Variants in SEMA3E observed in about 807,000 individuals in gnomAD.
The protein encoded by SEMA3E is semaphorin-3E.
Under a neutral mutation model 93.6 loss-of-function variants are expected in SEMA3E, and 49 were observed. The observed-to-expected ratio is 0.52, with a 90% CI of 0.42 to 0.66. SEMA3E has a LOEUF of 0.66. Ranked by LOEUF, SEMA3E falls within the 30% of genes least tolerant of loss-of-function variation. SEMA3E has a pLI of 0.00. For synonymous variants in SEMA3E, 363 were observed against 330.7 expected, an observed-to-expected ratio of 1.10 and a Z score of -1.06; for missense variants, 906 against 964.8, an observed-to-expected ratio of 0.94 and a Z score of 0.81.
intron 4 of SEMA3E, among the ~76,000 whole-genome samples, chr7:83,432,676 T>C (rs1562780184): frequency 6.6e-6 from 1 of 152,126 alleles, no homozygotes; most frequent in Non-Finnish European, 1.5e-5. Context: ...TTTCAGAGCA[T>C]TAATTAGTGC....
chr7:83,575,279 G>A (rs954144538), intron 1 of SEMA3E, among the ~76,000 whole-genome samples: 40 of 151,408 alleles, frequency 2.6e-4, no homozygotes, highest in East Asian at 1.9e-4. Flanking sequence ...TCTTTAGATA[G>A]AAATAGATCA....
At chr7:83,562,574 G>C (rs1266430020) in intron 1 of SEMA3E, among the ~76,000 whole-genome samples, 1 of 151,550 alleles carries the variant, frequency 6.6e-6, no homozygotes, top group Non-Finnish European at 1.5e-5. Context: ...TCCTCCCCTA[G>C]CTATTCCCTG....
chr7:83,504,674 G>T (rs1790658682), intron 1 of SEMA3E, among the ~76,000 whole-genome samples: 1 of 151,942 alleles, frequency 6.6e-6, no homozygotes, highest in Non-Finnish European at 1.5e-5. Context: ...TCCTTTTCTG[G>T]CAATTATCAG....
chr7:83,454,272 A>AAAAATATATAT (rs1257792756), intron 4 of SEMA3E, among the ~76,000 whole-genome samples: 4 of 110,112 alleles, frequency 3.6e-5, no homozygotes, highest in African/African-American at 1.7e-4. Flanking sequence ...AAAAAAAAAA[A>AAAAATATATAT]ATATATATAT....
intron 2 of SEMA3E, among the ~76,000 whole-genome samples, chr7:83,484,996 G>T (rs1215332413): frequency 6.6e-6 from 1 of 152,110 alleles, no homozygotes; most frequent in Non-Finnish European, 1.5e-5. Flanking sequence ...GATGGAAGTG[G>T]AACTCTGTAT....
At chr7:83,500,790 C>T (rs1317776926) in intron 1 of SEMA3E, among the ~76,000 whole-genome samples, 1 of 151,834 alleles carries the variant, frequency 6.6e-6, no homozygotes, top group African/African-American at 2.4e-5. Context: ...GGGGTTTCAC[C>T]ATGTTGGTCA....
At chr7:83,542,072 A>G (rs1025601847) in intron 1 of SEMA3E, among the ~76,000 whole-genome samples, 2 of 151,974 alleles carry the variant, frequency 1.3e-5, no homozygotes, top group African/African-American at 4.8e-5. Flanking sequence ...GCCAGACGCT[A>G]TGGCTGACTC....
intron 1 of SEMA3E, among the ~76,000 whole-genome samples, chr7:83,579,150 A>T (rs1402703251): frequency 6.6e-6 from 1 of 152,148 alleles, no homozygotes; most frequent in East Asian, 1.9e-4. Flanking sequence ...AGGTTTCAAA[A>T]ATGACACATT....
At chr7:83,538,054 T>C (rs1455562197) in intron 1 of SEMA3E, among the ~76,000 whole-genome samples, 1 of 152,200 alleles carries the variant, frequency 6.6e-6, no homozygotes, top group Non-Finnish European at 1.5e-5. Flanking sequence ...TATCAGCATG[T>C]ACTCATTTCA....
intron 4 of SEMA3E, among the ~76,000 whole-genome samples, chr7:83,432,926 C>T (rs940111212): frequency 7.9e-5 from 12 of 152,138 alleles, no homozygotes; most frequent in Admixed American, 2.6e-4. Flanking sequence ...TTTTTCAAAT[C>T]ACCCAAGAAA....
chr7:83,365,924 A>G lies in SEMA3E; in HGVS notation c.*1662T>C, dbSNP rs1794660063. On this transcript the variant is annotated 3_prime_UTR_variant, in exon 17 of 17. Coordinates refer to ENST00000643230, the MANE Select transcript of SEMA3E (RefSeq NM_012431.3). ...ATTTCACTACATAGTCTTTTCAGTT[A>G]TTATTTAATGGCAGTAATGACCTCC... The G allele has an allele frequency of 6.6e-6, 1 of 152,120 alleles. No individual in the cohort carries two copies. 9.4% of individuals were successfully genotyped at this position (152,120 alleles called of 1,614,324 possible). A position where few individuals can be genotyped will look rare whatever the true frequency, so the allele number is the denominator to read the frequency against.
intron 1 of SEMA3E, among the ~76,000 whole-genome samples, chr7:83,635,511 A>G (rs1236535327): frequency 6.6e-6 from 1 of 151,792 alleles, no homozygotes; most frequent in African/African-American, 2.4e-5. Flanking sequence ...TATGCCCATT[A>G]GTTTACAGTT....
At chr7:83,611,314 T>TA (rs1219541276) in intron 1 of SEMA3E, among the ~76,000 whole-genome samples, 5 of 144,404 alleles carry the variant, frequency 3.5e-5, no homozygotes, top group East Asian at 3.9e-4. Context: ...TATATAAATT[T>TA]ATGTATAATA....
At chr7:83,604,999 T>C (rs1380053580) in intron 1 of SEMA3E, among the ~76,000 whole-genome samples, 1 of 152,220 alleles carries the variant, frequency 6.6e-6, no homozygotes, top group African/African-American at 2.4e-5. Context: ...CCATGGTGTA[T>C]ATGTATCTCA....
intron 1 of SEMA3E, among the ~76,000 whole-genome samples, chr7:83,579,506 G>A (rs991132779): frequency 1.3e-5 from 2 of 152,010 alleles, no homozygotes; most frequent in African/African-American, 4.8e-5. Flanking sequence ...GTCAAATTAT[G>A]AATAAAATTG....
At chr7:83,499,937 C>G (rs921875993) in intron 1 of SEMA3E, among the ~76,000 whole-genome samples, 8 of 152,172 alleles carry the variant, frequency 5.3e-5, no homozygotes, top group African/African-American at 1.4e-4. Context: ...GTCCTATGCA[C>G]TCCTATTCAA....
intron 1 of SEMA3E, among the ~76,000 whole-genome samples, chr7:83,532,847 TTGTG>T (rs931920752): frequency 1.3e-5 from 2 of 152,110 alleles, no homozygotes; most frequent in Non-Finnish European, 2.9e-5. Context: ...CTTCAACCAT[TTGTG>T]TGTGTTTGTT....
chr7:83,647,232 A>G (rs1214437174), intron 1 of SEMA3E, among the ~76,000 whole-genome samples: 1 of 152,138 alleles, frequency 6.6e-6, no homozygotes, highest in Non-Finnish European at 1.5e-5. Flanking sequence ...AAATGAAAAA[A>G]TTTCTATAGT....
intron 1 of SEMA3E, among the ~76,000 whole-genome samples, chr7:83,637,832 C>T (rs1295868885): frequency 7.4e-6 from 1 of 134,484 alleles, no homozygotes; most frequent in Non-Finnish European, 1.6e-5. Context: ...GCTAATTTAA[C>T]GTATATTTTA....
Sources: gnomAD v4.1 joint callset for allele counts (sites outside exome capture counted in the v4.1 genomes callset) on GRCh38, gnomAD v4.1.1 for gene constraint, MANE v1.5 for transcripts, NCBI Gene and HGNC (gene_info 2026-07-23, HGNC 2026-07-21) for gene names.